The following PXT1 variants were observed in gnomAD, a reference collection of about 807,000 sequenced individuals.
The protein encoded by PXT1 is peroxisomal testis enriched protein 1.
In PXT1, 11 loss-of-function variants were observed where a neutral mutation model predicts 11.0. The observed-to-expected ratio is 1.00, with a 90% confidence interval of 0.63 to 1.66. The LOEUF (loss-of-function observed/expected upper bound fraction) is 1.66, where lower values mean the gene tolerates loss of function less well. Among genes scored for constraint, PXT1 ranks in the 40% most tolerant of loss-of-function variants. The probability of loss-of-function intolerance (pLI) is 0.00; values close to 1 mark genes in which losing one functional copy is unlikely to be tolerated. For missense variants in PXT1, 141 were observed against 155.5 expected, an observed-to-expected ratio of 0.91 and a Z score of 0.49; for synonymous variants, 43 against 51.4, an observed-to-expected ratio of 0.84 and a Z score of 0.70.
At chr6:36,419,563 C>T (rs1774494683) in intron 3 of PXT1, among the ~76,000 whole-genome samples, 1 of 152,098 alleles carries the variant, frequency 6.6e-6, no homozygotes, top group African/African-American at 2.4e-5. Context: ...ATATTTTGTG[C>T]CTGTCTAAAC....
intron 3 of PXT1, among the ~76,000 whole-genome samples, chr6:36,418,930 G>A (rs1774488307): frequency 2.0e-5 from 3 of 152,204 alleles, no homozygotes; most frequent in African/African-American, 7.2e-5. Flanking sequence ...GGGGCAGGGA[G>A]GGCCAGGGCA....
rs578071156 is a variant in PXT1 at position 36,417,402 on chromosome 6, C to T, written c.169+8512G>A. On this transcript the variant is annotated intron_variant, in intron 3 of 4. Transcript: ENST00000454782. ...TGAGAAAAAGAGAGGGTGCAGTATG[C>T]GCTAAACCTCATCTGCCATGTCACG... Among the ~76,000 whole-genome samples the T allele has an allele frequency of 1.3e-4, 20 of 151,648 alleles. No homozygotes were observed. The South Asian group carries it at 4.0e-3, about 30-fold the overall frequency.
chr6:36,397,484 A>G (rs902902222), intron 4 of PXT1, among the ~76,000 whole-genome samples: 3 of 152,136 alleles, frequency 2.0e-5, no homozygotes, highest in Admixed American at 2.0e-4. Flanking sequence ...ATGAAGATAG[A>G]CTCTTAACTA....
intron 4 of PXT1, among the ~76,000 whole-genome samples, chr6:36,395,493 A>ATTT (rs148553371): frequency 0.064 from 4,664 of 73,388 alleles, 1,001 homozygotes; most frequent in East Asian, 0.27. Context: ...CAAACTTAGG[A>ATTT]TTTTTTTTTT....
At chr6:36,442,163 G>C (rs1033999550) in intron 1 of PXT1, among the ~76,000 whole-genome samples, 5 of 152,128 alleles carry the variant, frequency 3.3e-5, no homozygotes, top group Non-Finnish European at 5.9e-5. Context: ...CAAACAGCTA[G>C]GGTTATAGGC....
At chr6:36,440,514 G>C (rs1774840780) in intron 1 of PXT1, among the ~76,000 whole-genome samples, 1 of 151,874 alleles carries the variant, frequency 6.6e-6, no homozygotes, top group East Asian at 1.9e-4. Flanking sequence ...ATTAAGTCCA[G>C]AAGATCGAGG....
Position 36,405,170 on chromosome 6 carries a change from G to A in PXT1, c.170-4586C>T, listed in dbSNP as rs1044835153. Among the ~76,000 whole-genome samples the A allele has an allele frequency of 5.2e-4, 79 of 152,024 alleles. 2 individuals are homozygous for A. The highest frequency in any genetic ancestry group is 6.5e-5 in the Admixed American group (1 of 15,268). Reference sequence around the variant, plus strand: ...GGCTAATATATGTGTTTGTGTCTCCGTTTTTAACAAAAAGTTAACAAAGTA... The same window carrying A: ...GGCTAATATATGTGTTTGTGTCTCCATTTTTAACAAAAAGTTAACAAAGTA... On this transcript the variant is annotated intron_variant, in intron 3 of 4. Transcript: ENST00000454782.
chr6:36,439,480 G>A (rs1774823667), intron 1 of PXT1, among the ~76,000 whole-genome samples: 1 of 151,624 alleles, frequency 6.6e-6, no homozygotes, highest in Non-Finnish European at 1.5e-5. Context: ...GGGCATAATG[G>A]CGCATGCCTG....
In PXT1 at chr6:36,391,695, C is replaced by T. The variant is rs1322650304; in HGVS notation, c.*75G>A. On this transcript the variant is annotated 3_prime_UTR_variant, in exon 5 of 5. Transcript: ENST00000454782. ...AGACGGAGAAGGGTGTTCTTCCCATCTGTCCCAGTGGGATTCATGTTTCTC... is the reference window on the plus strand; with the variant it reads ...AGACGGAGAAGGGTGTTCTTCCCATTTGTCCCAGTGGGATTCATGTTTCTC... 1.0e-6 allele frequency: 1 copy of T among 957,778 alleles called. No homozygotes were observed. The highest frequency in any genetic ancestry group is 2.4e-5 in the East Asian group (1 of 41,934). The allele number at this position is 957,778 out of a possible 1,614,324, so 59.3% of individuals were successfully genotyped here.
At chr6:36,439,633 CAT>C (rs1387606517) in intron 1 of PXT1, among the ~76,000 whole-genome samples, 10 of 105,896 alleles carry the variant, frequency 9.4e-5, no homozygotes, top group African/African-American at 3.7e-4. Context: ...CAACAACACT[CAT>C]ATAAGGCTGA....
At chr6:36,400,091 G>A (rs1024985465) in intron 4 of PXT1, among the ~76,000 whole-genome samples, 2 of 152,156 alleles carry the variant, frequency 1.3e-5, no homozygotes, top group African/African-American at 4.8e-5. Context: ...TTTTGAGGGT[G>A]TGAAACAGTT....
intron 2 of PXT1, among the ~76,000 whole-genome samples, chr6:36,436,686 T>C (rs62402166): frequency 0.035 from 5,397 of 152,294 alleles, 116 homozygotes; most frequent in African/African-American, 0.057. Context: ...AGTGGGCATT[T>C]GCCAATATGA....
Position 36,428,238 on chromosome 6 carries a change from G to C in PXT1, c.-9-2147C>G, listed in dbSNP as rs1345280449. On this transcript the variant is annotated intron_variant, in intron 2 of 4. Transcript: ENST00000454782. ...AGGCGGGCGGATCATGAGGTCAGAA[G>C]ATCAAGACCATCCTGGCTAACACGG... is the stretch of plus-strand genomic sequence containing the variant. 3.3e-5 allele frequency among the ~76,000 whole-genome samples: 5 copies of C among 152,162 alleles called. No individual in the cohort carries two copies. The South Asian group carries it at 6.2e-4, about 19-fold the overall frequency.
chr6:36,391,835 C>A lies in PXT1; in HGVS notation c.340G>T (p.Val114Phe), dbSNP rs775206351. Reference protein sequence around the residue: ...QDGRDALDHFVFFFFRRVQVL... With the variant: ...QDGRDALDHFFFFFFRRVQVL... ...TGAACTCTTCTAAAGAAAAAGAAGACAAAATGATCTAGTGCATCTCTGCCA... is the reference window on the plus strand; with the variant it reads ...TGAACTCTTCTAAAGAAAAAGAAGAAAAAATGATCTAGTGCATCTCTGCCA... Residue 114 changes from valine to phenylalanine, a missense_variant, in exon 5 of 5, where the codon GTC becomes TTC. By Grantham distance (50) the Val-to-Phe change is conservative. Coordinates refer to ENST00000454782, the MANE Select transcript of PXT1 (RefSeq NM_152990.4). 8.1e-6 allele frequency: 13 copies of A among 1,612,430 alleles called. No individual in the cohort carries two copies. Among genetic ancestry groups the A allele is most frequent in the Non-Finnish European group, 1.1e-5 (13 of 1,179,442 alleles).
At chr6:36,408,476 T>G (rs940329933) in intron 3 of PXT1, among the ~76,000 whole-genome samples, 11 of 151,634 alleles carry the variant, frequency 7.3e-5, no homozygotes, top group Non-Finnish European at 2.9e-5. Context: ...CCCAGGCTGG[T>G]CTAGAACTCC....
intron 3 of PXT1, among the ~76,000 whole-genome samples, chr6:36,421,418 G>A (rs535354892): frequency 4.6e-5 from 7 of 152,102 alleles, no homozygotes; most frequent in African/African-American, 1.7e-4. Context: ...CTATGATCGC[G>A]CCACTGCACT....
chr6:36,418,673 T>C (rs1198182837), intron 3 of PXT1, among the ~76,000 whole-genome samples: 4 of 152,190 alleles, frequency 2.6e-5, no homozygotes, highest in East Asian at 1.9e-4. Context: ...CACAGAGTGA[T>C]AGAGATTGAA....
chr6:36,413,072 G>C (rs1397618728), intron 3 of PXT1, among the ~76,000 whole-genome samples: 1 of 152,044 alleles, frequency 6.6e-6, no homozygotes, highest in Non-Finnish European at 1.5e-5. Context: ...AGGAGGAAAT[G>C]ATCAAAACAA....
At chr6:36,436,826 A>G (rs989848322) in intron 2 of PXT1, among the ~76,000 whole-genome samples, 1 of 152,212 alleles carries the variant, frequency 6.6e-6, no homozygotes, top group Non-Finnish European at 1.5e-5. Flanking sequence ...TTAAATTCTT[A>G]CTATGTGTCA....
Sources: allele counts gnomAD v4.1 joint callset (sites outside exome capture counted in the v4.1 genomes callset), GRCh38; gene constraint gnomAD v4.1.1; transcripts MANE v1.5; gene names NCBI Gene and HGNC (gene_info 2026-07-23, HGNC 2026-07-21).